DLGAP1: variants seen among roughly 807,000 people sequenced by gnomAD.
DLGAP1 encodes the protein DLG associated protein 1, also known as disks large-associated protein 1.
In DLGAP1, 11 loss-of-function variants were observed where a neutral mutation model predicts 90.8. The ratio of observed to expected loss-of-function variants is 0.12; its 90% confidence interval spans 0.08 to 0.20. DLGAP1 has a LOEUF of 0.20. Ranked by LOEUF, DLGAP1 falls within the 10% of genes least tolerant of loss-of-function variation. The pLI, the probability that DLGAP1 is intolerant of heterozygous loss-of-function variation, is 1.00. For synonymous variants in DLGAP1, 558 were observed against 540.7 expected (o/e 1.03, Z -0.44); for missense variants, 1,050 against 1,333.8 (o/e 0.79, Z 3.31).
intron 1 of DLGAP1, among the ~76,000 whole-genome samples, chr18:4,381,890 G>A (rs149955283): frequency 1.3e-5 from 2 of 152,112 alleles, no homozygotes; most frequent in Admixed American, 6.6e-5. Flanking sequence ...CGTGGCTGGG[G>A]AGGCCTCACA....
chr18:3,899,002 G>A (rs2071722851), intron 3 of DLGAP1, among the ~76,000 whole-genome samples: 1 of 152,092 alleles, frequency 6.6e-6, no homozygotes, highest in South Asian at 2.1e-4. Context: ...AGCTTAACCT[G>A]CAGCTTTCAA....
intron 4 of DLGAP1, among the ~76,000 whole-genome samples, chr18:3,823,593 T>C (rs980721085): frequency 1.3e-5 from 2 of 152,208 alleles, no homozygotes; most frequent in East Asian, 3.9e-4. Context: ...AACTTTGTTA[T>C]AGTAATTTTC....
intron 1 of DLGAP1, among the ~76,000 whole-genome samples, chr18:4,364,578 T>C (rs2144136618): frequency 6.6e-6 from 1 of 152,170 alleles, no homozygotes; most frequent in East Asian, 1.9e-4. Context: ...ATATATTATT[T>C]AAAATGTGTA....
intron 1 of DLGAP1, among the ~76,000 whole-genome samples, chr18:4,194,203 T>C (rs2077452223): frequency 6.6e-6 from 1 of 152,170 alleles, no homozygotes; most frequent in South Asian, 2.1e-4. Context: ...TCGTCACCTT[T>C]ATGCCCATGA....
At chr18:3,722,362 T>C (rs1017439041) in intron 7 of DLGAP1, 1 of 152,198 alleles carries the variant, frequency 6.6e-6, no homozygotes, top group Non-Finnish European at 1.5e-5. Context: ...CCTAATATTA[T>C]AGAGGAATCC....
rs2071101747 is a variant in DLGAP1, at chr18:3,879,765, T to G, written c.304A>C (p.Asn102His). 1.2e-6 allele frequency: 2 copies of G among 1,607,924 alleles called. No homozygotes were observed. Among genetic ancestry groups the G allele is most frequent in the Non-Finnish European group, 1.7e-6 (2 of 1,179,904 alleles). Residue 102 changes from asparagine to histidine, a missense_variant, in exon 4 of 13, where the codon AAC (asparagine) becomes CAC (histidine). Asn to His is a moderately conservative substitution (Grantham distance 68). Transcript: ENST00000315677. The surrounding 1 kb of genome is among the most constrained non-coding windows in gnomAD (Gnocchi z 6.6). ...TGCCGCTCGAACTGGTCCAGCAGGT[T>G]GGCGGGGATGCGGTTCGCCTTGGTG... Reference protein sequence around the residue: ...LATKANRIPANLLDQFERQLP... With the variant: ...LATKANRIPAHLLDQFERQLP...
chr18:3,567,633 G>C (rs752382233), intron 8 of DLGAP1, 52 bp from the exon 9 acceptor site: 2 of 1,498,096 alleles, frequency 1.3e-6, no homozygotes. Flanking sequence ...CATCTTGCTT[G>C]AAAAACAAAC....
At chr18:3,862,887 A>C (rs2070166369) in intron 4 of DLGAP1, among the ~76,000 whole-genome samples, 1 of 152,268 alleles carries the variant, frequency 6.6e-6, no homozygotes, top group African/African-American at 2.4e-5. Flanking sequence ...CCTCGCCCTC[A>C]CTGGGCCTCC....
intron 1 of DLGAP1, among the ~76,000 whole-genome samples, chr18:4,286,055 C>T (rs769655885): frequency 3.3e-5 from 5 of 152,082 alleles, no homozygotes; most frequent in South Asian, 2.1e-4. Context: ...AGTGTCACTC[C>T]GGCAAACTCA....
intron 4 of DLGAP1, among the ~76,000 whole-genome samples, chr18:3,853,824 C>A (rs772658152): frequency 1.2e-4 from 19 of 152,190 alleles, no homozygotes; most frequent in Non-Finnish European, 2.2e-4. Flanking sequence ...AACCTGCACT[C>A]GTATGAAGTT....
chr18:4,095,656 G>A (rs2143808460), intron 2 of DLGAP1, among the ~76,000 whole-genome samples: 1 of 152,112 alleles, frequency 6.6e-6, no homozygotes, highest in Admixed American at 6.5e-5. Flanking sequence ...TGGTGGCCCT[G>A]GAGGGGCTGC....
intron 5 of DLGAP1, among the ~76,000 whole-genome samples, chr18:3,795,778 A>G (rs1363474086): frequency 6.6e-6 from 1 of 152,178 alleles, no homozygotes; most frequent in Non-Finnish European, 1.5e-5. Context: ...AGATAGGCAC[A>G]TCACCTATTT....
At chr18:4,438,164 T>C (rs2083448066) in intron 1 of DLGAP1, among the ~76,000 whole-genome samples, 1 of 152,150 alleles carries the variant, frequency 6.6e-6, no homozygotes, top group African/African-American at 2.4e-5. Context: ...TGTATACTTA[T>C]TATGACATAT....
intron 1 of DLGAP1, among the ~76,000 whole-genome samples, chr18:4,332,291 G>C (rs970788505): frequency 1.3e-5 from 2 of 151,846 alleles, no homozygotes; most frequent in Non-Finnish European, 2.9e-5. Context: ...TTAGTAATTA[G>C]TTACAACATG....
At chr18:3,922,886 A>C (rs1972876266) in intron 3 of DLGAP1, among the ~76,000 whole-genome samples, 1 of 152,112 alleles carries the variant, frequency 6.6e-6, no homozygotes, top group African/African-American at 2.4e-5. Context: ...TGATCCCAGC[A>C]CTTTGGGAGG....
At chr18:3,593,726 T>C (rs938415049) in intron 7 of DLGAP1, 1 of 152,194 alleles carries the variant, frequency 6.6e-6, no homozygotes, top group Non-Finnish European at 1.5e-5. Context: ...TCGGCATGTC[T>C]GGCCTAGAGA....
chr18:4,372,290 C>T (rs951421122), intron 1 of DLGAP1, among the ~76,000 whole-genome samples: 1 of 152,192 alleles, frequency 6.6e-6, no homozygotes, highest in Non-Finnish European at 1.5e-5. Flanking sequence ...TTCATTACTA[C>T]TTCATTCATT....
chr18:4,001,821 T>A (rs1359863458), intron 3 of DLGAP1, among the ~76,000 whole-genome samples: 1 of 152,110 alleles, frequency 6.6e-6, no homozygotes, highest in Non-Finnish European at 1.5e-5. Context: ...TTCTCTTGGG[T>A]TCACCCACAA....
rs376081841 is a variant in DLGAP1 at position 4,239,338 on chromosome 18, T to C, written c.-266-88051A>G. Among the ~76,000 whole-genome samples the C allele has an allele frequency of 2.0e-4, 31 of 152,282 alleles. 2 individuals carry two copies. Among genetic ancestry groups the C allele is most frequent in the South Asian group, 1.7e-3 (8 of 4,824 alleles). ...TAAAAAAAATTAGTTTTTTTCATCA[T>C]TTATTTGATGAATTCTAGGTTTTTT... On this transcript the variant is annotated intron_variant, in intron 1 of 12. Transcript: ENST00000315677.
Sources: gnomAD v4.1 joint callset for allele counts (sites outside exome capture counted in the v4.1 genomes callset) on GRCh38, gnomAD v4.1.1 for gene constraint, Gnocchi (gnomAD v3.1) non-coding constraint, MANE v1.5 for transcripts, NCBI Gene and HGNC (gene_info 2026-07-23, HGNC 2026-07-21) for gene names.